Variants in ZSCAN5A observed in about 807,000 individuals in gnomAD.
ZSCAN5A encodes zinc finger and SCAN domain-containing protein 5A.
In ZSCAN5A, 12 loss-of-function variants were observed where a neutral mutation model predicts 23.7. The ratio of observed to expected loss-of-function variants is 0.51; its 90% CI spans 0.32 to 0.82. The LOEUF (loss-of-function observed/expected upper bound fraction) is 0.82, where lower values mean the gene tolerates loss of function less well. Ranked by LOEUF, ZSCAN5A falls within the 40% of genes least tolerant of loss-of-function variation. ZSCAN5A has a pLI of 0.03. For synonymous variants in ZSCAN5A, 257 were observed against 239.9 expected (o/e 1.07, Z -0.66); for missense variants, 597 against 617.9 (o/e 0.97, Z 0.36).
intron 2 of ZSCAN5A, among the ~76,000 whole-genome samples, chr19:56,230,586 G>T (rs2146480807): frequency 6.6e-6 from 1 of 151,296 alleles, no homozygotes; most frequent in East Asian, 2.0e-4. Flanking sequence ...ACAGGCACGA[G>T]CCACATCTGG....
Position 56,222,087 on chromosome 19 carries a change from G to C in ZSCAN5A, c.979C>G (p.Gln327Glu). The C allele has an allele frequency of 1.2e-6, 2 of 1,614,172 alleles. No homozygotes were observed. The highest frequency in any genetic ancestry group is 1.7e-6 in the Non-Finnish European group (2 of 1,180,046). ...TPVGNRESPG[Q>E]AGMNSIHSPG... ...GAATGAATTGAATTCATCCCAGCTT[G>C]TCCCGGGGATTCTCTGTTGCCCACA... The change falls in exon 6 of 6, where the codon CAA becomes GAA. Residue 327 changes from glutamine to glutamate, a missense_variant. By Grantham distance (29) the Gln-to-Glu change is conservative. Transcript: ENST00000683990.
chr19:56,302,516 T>TCCTC (rs71184347), intron 2 of ZSCAN5A, among the ~76,000 whole-genome samples: 17 of 70,550 alleles, frequency 2.4e-4, no homozygotes, highest in Admixed American at 8.8e-4. Context: ...CTTCTTTCCT[T>TCCTC]CCTCCCTCCC....
intron 2 of ZSCAN5A, chr19:56,301,953 C>T: frequency 8.1e-7 from 1 of 1,232,070 alleles, no homozygotes. Context: ...CAATCATCTC[C>T]ACGGTTCTCT....
intron 2 of ZSCAN5A, among the ~76,000 whole-genome samples, chr19:56,267,261 C>T (rs2037542890): frequency 6.6e-6 from 1 of 151,900 alleles, no homozygotes; most frequent in Non-Finnish European, 1.5e-5. Context: ...CTTCCTACAC[C>T]AGACTATAAA....
intron 2 of ZSCAN5A, 156 bp from the exon 3 acceptor site, chr19:56,225,329 T>A: frequency 2.0e-6 from 1 of 506,176 alleles, no homozygotes; most frequent in Non-Finnish European, 2.9e-6. Flanking sequence ...TACTCTGGTT[T>A]AAAATCTTAA....
chr19:56,289,011 C>T (rs1036754401), intron 2 of ZSCAN5A, among the ~76,000 whole-genome samples: 14 of 152,186 alleles, frequency 9.2e-5, no homozygotes, highest in South Asian at 2.1e-4. Context: ...TTTAGCCATT[C>T]GCCTGGCATC....
rs2041131675 is a variant in ZSCAN5A at position 56,312,937 on chromosome 19, C to T, written c.-128+346G>A. On this transcript the variant is annotated intron_variant, in intron 2 of 5. Transcript: ENST00000683990. ...GCAACCATAGTTCAGGCATTGTCAG[C>T]ACACCATGCTTGTTAGCGCCAGTTA... 2.6e-5 allele frequency among the ~76,000 whole-genome samples: 4 copies of T among 152,218 alleles called. No individual in the cohort carries two copies. The South Asian group carries it at 8.3e-4, about 32-fold the overall frequency.
chr19:56,302,505 CCTT>C lies in ZSCAN5A; in HGVS notation c.-128+10775_-128+10777del, dbSNP rs775679246. On this transcript the variant is annotated intron_variant, in intron 2 of 5. Transcript: ENST00000683990. ...CTTCCCATCCTTCTTCCCTCTCTGC[CCTT>C]CTTTCCTTCCTCCCTCCCTCCCTCT... Among the ~76,000 whole-genome samples the C allele has an allele frequency of 5.8e-3, 323 of 55,452 alleles. 2 individuals carry two copies. Among genetic ancestry groups the C allele is most frequent in the Non-Finnish European group, 8.4e-3 (207 of 24,650 alleles). 36.4% of individuals were successfully genotyped at this position (55,452 alleles called of 152,430 possible).
chr19:56,320,785 T>G (rs1193703140), intron 2 of ZSCAN5A: 62 of 885,854 alleles, frequency 7.0e-5, no homozygotes, highest in Non-Finnish European at 1.1e-4. Flanking sequence ...CACTTGCCAT[T>G]GTGGCCACCT....
chr19:56,288,969 A>C lies in ZSCAN5A; in HGVS notation c.-128+24314T>G, dbSNP rs145665691. On this transcript the variant is annotated intron_variant, in intron 2 of 5. Transcript: ENST00000683990. Reference sequence around the variant, plus strand: ...TGGGCCTTCAAACTCCTTTAAGAAAATGCCAGGGAAGGGTTGGTCCAGGCC... The same window carrying C: ...TGGGCCTTCAAACTCCTTTAAGAAACTGCCAGGGAAGGGTTGGTCCAGGCC... 5.3e-5 allele frequency among the ~76,000 whole-genome samples: 8 copies of C among 152,310 alleles called. No individual in the cohort carries two copies. In the East Asian group the frequency reaches 9.6e-4, roughly 18 times the overall value.
At chr19:56,265,991 G>A (rs1041966359) in intron 2 of ZSCAN5A, among the ~76,000 whole-genome samples, 1 of 152,120 alleles carries the variant, frequency 6.6e-6, no homozygotes, top group South Asian at 2.1e-4. Context: ...GGAAATCAGG[G>A]TATAGAGACT....
intron 2 of ZSCAN5A, among the ~76,000 whole-genome samples, chr19:56,262,432 T>G (rs2037192892): frequency 1.3e-5 from 2 of 151,928 alleles, no homozygotes. Flanking sequence ...TGTTTTTTTG[T>G]TTTTTTGAGA....
At chr19:56,314,961 C>T (rs200202517), upstream of ZSCAN5A, 1 of 152,292 alleles carries the variant, frequency 6.6e-6, no homozygotes, top group Non-Finnish European at 1.5e-5. Flanking sequence ...CCTGCTCCTT[C>T]ACTCCTGCTT....
chr19:56,309,659 C>A (rs1465469066), intron 2 of ZSCAN5A, among the ~76,000 whole-genome samples: 1 of 152,188 alleles, frequency 6.6e-6, no homozygotes, highest in Non-Finnish European at 1.5e-5. Context: ...TCCTGCAACT[C>A]TGAGTGACTC....
intron 2 of ZSCAN5A, among the ~76,000 whole-genome samples, chr19:56,288,368 C>G (rs1006993536): frequency 1.3e-5 from 2 of 152,176 alleles, no homozygotes; most frequent in Non-Finnish European, 2.9e-5. Context: ...CCCAGCTAAC[C>G]CCTGCTCATC....
At chr19:56,245,354 C>G (rs189634619) in intron 2 of ZSCAN5A, 3 of 750,470 alleles carry the variant, frequency 4.0e-6, no homozygotes, top group African/African-American at 1.7e-5. Context: ...GAATGAGATG[C>G]GTCCGGGGGA....
upstream of ZSCAN5A, chr19:56,315,313 G>T (rs148381350): frequency 2.0e-5 from 3 of 152,474 alleles, no homozygotes; most frequent in South Asian, 4.1e-4. Context: ...CGTCCGTGAA[G>T]CCTAGAGATT....
At chr19:56,327,422 A>G (rs1008215094) in intron 2 of ZSCAN5A, among the ~76,000 whole-genome samples, 5 of 151,304 alleles carry the variant, frequency 3.3e-5, no homozygotes, top group African/African-American at 1.2e-4. Flanking sequence ...GCCAACTGCA[A>G]TGATTTTAAT....
chr19:56,227,410 G>A (rs2034053546), intron 2 of ZSCAN5A, among the ~76,000 whole-genome samples: 1 of 152,236 alleles, frequency 6.6e-6, no homozygotes, highest in South Asian at 2.1e-4. Flanking sequence ...GAGGGCGCCT[G>A]CTGCTGCTCA....
Sources: allele counts gnomAD v4.1 joint callset (sites outside exome capture counted in the v4.1 genomes callset), GRCh38; gene constraint gnomAD v4.1.1; transcripts MANE v1.5; gene names NCBI Gene and HGNC (gene_info 2026-07-23, HGNC 2026-07-21).